CDH12: variants seen among roughly 807,000 people sequenced by gnomAD.
CDH12 encodes the protein cadherin 12, also known as cadherin-12.
In CDH12, 41 loss-of-function variants were observed where a neutral mutation model predicts 74.1. That is an observed-to-expected ratio of 0.55 (90% confidence interval 0.43 to 0.72). CDH12 has a LOEUF of 0.72. Ranked by LOEUF, CDH12 falls within the 30% of genes least tolerant of loss-of-function variation. The pLI, the probability that CDH12 is intolerant of heterozygous loss-of-function variation, is 0.00. For missense variants in CDH12, 945 were observed against 977.2 expected, an observed-to-expected ratio of 0.97 and a Z score of 0.44; for synonymous variants, 399 against 355.0, an observed-to-expected ratio of 1.12 and a Z score of -1.39.
intron 4 of CDH12, among the ~76,000 whole-genome samples, chr5:22,096,283 A>G (rs1743776484): frequency 1.3e-5 from 2 of 152,106 alleles, no homozygotes; most frequent in Non-Finnish European, 2.9e-5. Context: ...CAAGATCTAA[A>G]TAATTCTTGT....
intron 2 of CDH12, among the ~76,000 whole-genome samples, chr5:22,454,512 C>T (rs771398712): frequency 5.3e-5 from 8 of 151,992 alleles, no homozygotes; most frequent in Non-Finnish European, 1.0e-4. Context: ...CTCATTCTGT[C>T]GGCCAGACTG....
intron 5 of CDH12, among the ~76,000 whole-genome samples, chr5:22,022,047 T>C (rs1200529630): frequency 6.6e-6 from 1 of 152,132 alleles, no homozygotes; most frequent in Non-Finnish European, 1.5e-5. Context: ...ATGTCACCCT[T>C]GCTGGTCTTG....
chr5:22,215,229 T>C (rs1751758130), intron 3 of CDH12, among the ~76,000 whole-genome samples: 1 of 152,144 alleles, frequency 6.6e-6, no homozygotes, highest in Non-Finnish European at 1.5e-5. Flanking sequence ...CCACTAAAAG[T>C]CAGGTTACTG....
chr5:22,772,646 T>G (rs963835541), intron 1 of CDH12, among the ~76,000 whole-genome samples: 19 of 152,106 alleles, frequency 1.2e-4, no homozygotes, highest in African/African-American at 4.6e-4. Context: ...TAAGCTAAAT[T>G]TAAACTTAAC....
At chr5:22,519,000 T>A (rs1004555649) in intron 1 of CDH12, among the ~76,000 whole-genome samples, 2 of 152,086 alleles carry the variant, frequency 1.3e-5, no homozygotes, top group South Asian at 2.1e-4. Context: ...GGTACCAGTG[T>A]CCAGGGAAAT....
chr5:22,664,070 A>C lies in CDH12; in HGVS notation c.-522-158706T>G, dbSNP rs188672031. Among the ~76,000 whole-genome samples the C allele has an allele frequency of 1.9e-3, 295 of 152,342 alleles. 2 individuals are homozygous for C. The highest frequency in any genetic ancestry group is 6.9e-3 in the African/African-American group (288 of 41,590). On this transcript the variant is annotated intron_variant, in intron 1 of 14. Transcript: ENST00000382254. ...ATTAACATAATGGTAAAAGATATTT[A>C]AATATAATTCAAATATTTAATGGAT...
At chr5:22,582,579 A>T (rs149463097) in intron 1 of CDH12, among the ~76,000 whole-genome samples, 299 of 152,318 alleles carry the variant, frequency 2.0e-3, no homozygotes, top group Middle Eastern at 0.017. Flanking sequence ...ACTGCCCAAC[A>T]TCTTTAGTAT....
At chr5:22,412,956 A>C (rs1246530295) in intron 2 of CDH12, among the ~76,000 whole-genome samples, 1 of 151,966 alleles carries the variant, frequency 6.6e-6, no homozygotes, top group Non-Finnish European at 1.5e-5. Context: ...TCATCAGAAT[A>C]ATCCTCCTTC....
chr5:21,883,467 G>T (rs1752465852), intron 6 of CDH12: 6 of 1,612,246 alleles, frequency 3.7e-6, no homozygotes, highest in Non-Finnish European at 5.1e-6. Flanking sequence ...TAGGCTAAAG[G>T]TTGGTCTTCA....
rs551557287 is a variant in CDH12, at chr5:21,852,173, G to A, written c.646+2498C>T. Among the ~76,000 whole-genome samples the A allele has an allele frequency of 2.6e-5, 4 of 151,400 alleles. No individual in the cohort carries two copies. In the East Asian group the frequency reaches 7.8e-4, roughly 29 times the overall value. ...CTTCTTAATGGTTTCTGTGCATGAA[G>A]AACTAGTTTTCATTCTCTTAATGAA... is the stretch of plus-strand genomic sequence containing the variant. On this transcript the variant is annotated intron_variant, in intron 7 of 14. Coordinates refer to ENST00000382254, the MANE Select transcript of CDH12 (RefSeq NM_004061.5).
intron 6 of CDH12, among the ~76,000 whole-genome samples, chr5:21,904,452 G>C (rs927169322): frequency 6.6e-6 from 1 of 152,166 alleles, no homozygotes; most frequent in Admixed American, 6.6e-5. Context: ...GTTAGATAAG[G>C]CTAAGGAAGA....
intron 1 of CDH12, among the ~76,000 whole-genome samples, chr5:22,620,047 T>C (rs977950658): frequency 3.4e-4 from 52 of 152,228 alleles, no homozygotes; most frequent in African/African-American, 1.2e-3. Flanking sequence ...TTTTAAAACT[T>C]TGTCAATATC....
chr5:22,261,717 T>C (rs1012613362), intron 3 of CDH12, among the ~76,000 whole-genome samples: 1 of 151,880 alleles, frequency 6.6e-6, no homozygotes, highest in Non-Finnish European at 1.5e-5. Flanking sequence ...TTTCAAGATA[T>C]TTAGTTGTTT....
chr5:22,600,350 C>G (rs576417948), intron 1 of CDH12, among the ~76,000 whole-genome samples: 1 of 152,126 alleles, frequency 6.6e-6, no homozygotes, highest in Non-Finnish European at 1.5e-5. Context: ...AAGGTAACTA[C>G]TGTACTAAAT....
At chr5:22,564,601 C>A (rs1325647778) in intron 1 of CDH12, among the ~76,000 whole-genome samples, 1 of 151,994 alleles carries the variant, frequency 6.6e-6, no homozygotes, top group African/African-American at 2.4e-5. Flanking sequence ...TTCTTGCTTA[C>A]ACGTTTGTTC....
intron 3 of CDH12, among the ~76,000 whole-genome samples, chr5:22,223,867 A>G (rs1752098919): frequency 1.3e-5 from 2 of 152,034 alleles, no homozygotes; most frequent in African/African-American, 2.4e-5. Context: ...TATCAGGGCA[A>G]TTGAGCCACA....
intron 6 of CDH12, among the ~76,000 whole-genome samples, chr5:21,867,569 G>T (rs978036547): frequency 4.6e-5 from 7 of 152,180 alleles, no homozygotes; most frequent in African/African-American, 1.7e-4. Context: ...AGATTTGACT[G>T]TCCTGCTGGA....
chr5:21,888,415 T>C (rs373436305), intron 6 of CDH12, among the ~76,000 whole-genome samples: 1 of 152,086 alleles, frequency 6.6e-6, no homozygotes, highest in African/African-American at 2.4e-5. Context: ...CTACTTTGAA[T>C]TGTTCCTCAG....
chr5:22,111,060 CAA>C (rs1197026178), intron 4 of CDH12, among the ~76,000 whole-genome samples: 3 of 152,122 alleles, frequency 2.0e-5, no homozygotes, highest in Non-Finnish European at 4.4e-5. Flanking sequence ...ATGGATTCTA[CAA>C]AGAGAGTTGA....
Sources: gnomAD v4.1 joint callset for allele counts (sites outside exome capture counted in the v4.1 genomes callset) on GRCh38, gnomAD v4.1.1 for gene constraint, MANE v1.5 for transcripts, NCBI Gene and HGNC (gene_info 2026-07-23, HGNC 2026-07-21) for gene names.